Variants in MTO1 observed in about 807,000 individuals in gnomAD.
MTO1 encodes mitochondrial tRNA translation optimization 1, also known as 5-taurinomethyluridine-[tRNA] synthase subunit MTO1, mitochondrial.
MTO1 carries 46 observed loss-of-function variants against 71.6 expected under a neutral mutation model. The observed-to-expected ratio is 0.64, with a 90% CI of 0.51 to 0.82. The LOEUF (loss-of-function observed/expected upper bound fraction) is 0.82, where lower values mean the gene tolerates loss of function less well. MTO1 is among the 40% of genes least tolerant of loss of function. The pLI is 0.00. For missense variants in MTO1, 773 were observed against 867.5 expected, an observed-to-expected ratio of 0.89 and a Z score of 1.37; for synonymous variants, 297 against 312.1, an observed-to-expected ratio of 0.95 and a Z score of 0.51.
intron 3 of MTO1, among the ~76,000 whole-genome samples, chr6:73,469,142 C>A (rs1267595292): frequency 6.6e-6 from 1 of 152,054 alleles, no homozygotes; most frequent in Non-Finnish European, 1.5e-5. Flanking sequence ...GTAGCTGGGA[C>A]TATAGGTGTA....
intron 9 of MTO1, among the ~76,000 whole-genome samples, chr6:73,489,795 G>A (rs532959): frequency 0.63 from 96,412 of 151,886 alleles, 31,304 homozygotes; most frequent in South Asian, 0.72. Flanking sequence ...AATCCTTTGC[G>A]TATATACCCA....
chr6:73,461,779 G>T lies in MTO1; in HGVS notation c.-76G>T, dbSNP rs768102986. 15 of 1,489,420 alleles carry T rather than the reference G, an allele frequency of 1.0e-5. No individual in the cohort carries two copies. Among genetic ancestry groups the T allele is most frequent in the Non-Finnish European group, 1.4e-5 (15 of 1,082,284 alleles). 92.3% of individuals were successfully genotyped at this position (1,489,420 alleles called of 1,614,324 possible). ...TAAAGCAAGATGGCCGCGCCCTGCA[G>T]ATTGTCTCTTGTTGCGTAAGTTTTT... On this transcript the variant is annotated 5_prime_UTR_variant, in exon 1 of 12. Transcript: ENST00000498286.
intron 7 of MTO1, chr6:73,481,131 T>C: frequency 3.3e-6 from 1 of 306,890 alleles, no homozygotes; most frequent in Non-Finnish European, 6.3e-6. Flanking sequence ...TTTTTGCATT[T>C]TTAGTAGAGA....
rs142129590 is a variant in MTO1 at position 73,481,733 on chromosome 6, A to G, written c.1261-307A>G. On this transcript the variant is annotated intron_variant, in intron 7 of 11. Transcript: ENST00000498286. ...CAGTGAGCCAAGATTATGCCATTAC[A>G]CCCCAGCCTAGGTAACAGGGGAAGA... Among the ~76,000 whole-genome samples, 974 of 152,032 alleles carry G rather than the reference A, an allele frequency of 6.4e-3. 7 individuals are homozygous for G. Among genetic ancestry groups the G allele is most frequent in the African/African-American group, 0.021 (881 of 41,460 alleles).
At chr6:73,497,970 T>G in intron 11 of MTO1, 74 bp downstream of exon 11, 1 of 1,316,816 alleles carries the variant, frequency 7.6e-7, no homozygotes, top group Non-Finnish European at 1.0e-6. Context: ...AAACCTGGGG[T>G]TATAATGGCC....
At chr6:73,467,642 T>TAAATAAAC (rs373637860) in intron 3 of MTO1, among the ~76,000 whole-genome samples, 1 of 149,942 alleles carries the variant, frequency 6.7e-6, no homozygotes, top group Non-Finnish European at 1.5e-5. Context: ...AATAAATAAA[T>TAAATAAAC]ATAAAAGAAA....
intron 1 of MTO1, chr6:73,462,471 T>G (rs1220718014): frequency 5.5e-6 from 1 of 180,588 alleles, no homozygotes; most frequent in African/African-American, 2.4e-5. Context: ...GCTCACTTCT[T>G]TAATCCCAGC....
At chr6:73,485,751 T>G (rs1771635384) in intron 9 of MTO1, among the ~76,000 whole-genome samples, 1 of 152,038 alleles carries the variant, frequency 6.6e-6, no homozygotes, top group Non-Finnish European at 1.5e-5. Flanking sequence ...TTAGCCTTTT[T>G]TAGCGAACTC....
chr6:73,499,017 G>A (rs973575591), intron 11 of MTO1, among the ~76,000 whole-genome samples: 2 of 152,052 alleles, frequency 1.3e-5, no homozygotes, highest in Admixed American at 6.6e-5. Context: ...GTGAGCCACC[G>A]TGCCTGGCCA....
At chr6:73,466,090 G>A in intron 1 of MTO1, 119 bp from the exon 2 acceptor site, 4 of 986,010 alleles carry the variant, frequency 4.1e-6, no homozygotes, top group East Asian at 4.9e-5. Flanking sequence ...TATCTTTCAC[G>A]TTTTCTATTT....
rs1237908741 is a variant in MTO1 at position 73,502,333 on chromosome 6, ACT to A, written c.*1600_*1601del. ...GTGGAGCAAGCCTGTAGTCCCAGCTACTCAGGAGGCTGAGGCAGGAGAATCGC... is the reference window on the plus strand; with the variant it reads ...GTGGAGCAAGCCTGTAGTCCCAGCTACAGGAGGCTGAGGCAGGAGAATCGC... On this transcript the variant is annotated 3_prime_UTR_variant, in exon 12 of 12. Transcript: ENST00000498286. The A allele has an allele frequency of 6.6e-6, 1 of 152,142 alleles. No individual in the cohort carries two copies. Among genetic ancestry groups the A allele is most frequent in the Non-Finnish European group, 1.5e-5 (1 of 68,074 alleles). The allele number at this position is 152,142 out of a possible 1,614,324, so 9.4% of individuals were successfully genotyped here. A position where few individuals can be genotyped will look rare whatever the true frequency, so the allele number is the denominator to read the frequency against.
chr6:73,497,950 T>G, intron 11 of MTO1, 54 bp downstream of exon 11: 2 of 1,482,292 alleles, frequency 1.3e-6, no homozygotes, highest in Non-Finnish European at 1.8e-6. Context: ...ATACAGTGCT[T>G]TAATTTTTTA....
chr6:73,495,407 T>C (rs1771954853), intron 10 of MTO1, among the ~76,000 whole-genome samples: 1 of 152,180 alleles, frequency 6.6e-6, no homozygotes, highest in Non-Finnish European at 1.5e-5. Flanking sequence ...TTTAACTTTG[T>C]TCAATAAATC....
At chr6:73,480,855 A>G (rs903719699) in intron 7 of MTO1, 50 bp downstream of exon 7, 12 of 1,573,438 alleles carry the variant, frequency 7.6e-6, no homozygotes, top group Admixed American at 1.7e-5. Context: ...TTTAACTGGT[A>G]TTTCTCCTTT....
chr6:73,475,579 A>C (rs930741388), intron 4 of MTO1, among the ~76,000 whole-genome samples: 1 of 151,054 alleles, frequency 6.6e-6, no homozygotes, highest in Non-Finnish European at 1.5e-5. Flanking sequence ...CAACAGCACA[A>C]TCTCGGCTCA....
chr6:73,465,724 C>T (rs1338286398), intron 1 of MTO1, among the ~76,000 whole-genome samples: 1 of 152,074 alleles, frequency 6.6e-6, no homozygotes, highest in Non-Finnish European at 1.5e-5. Flanking sequence ...CGGTGGCTCA[C>T]GGCTGTAATC....
intron 4 of MTO1, among the ~76,000 whole-genome samples, chr6:73,477,237 A>T (rs1287327855): frequency 6.6e-6 from 1 of 151,172 alleles, no homozygotes; most frequent in Non-Finnish European, 1.5e-5. Flanking sequence ...CTCTACTAAA[A>T]ATACAAAAAT....
At chr6:73,477,982 G>A (rs958636158) in intron 4 of MTO1, among the ~76,000 whole-genome samples, 4 of 152,086 alleles carry the variant, frequency 2.6e-5, no homozygotes, top group Non-Finnish European at 4.4e-5. Flanking sequence ...GTGGCATGGT[G>A]GCTCACACCT....
chr6:73,494,444 G>T (rs1341074123), intron 10 of MTO1, among the ~76,000 whole-genome samples: 3 of 151,816 alleles, frequency 2.0e-5, no homozygotes, highest in Non-Finnish European at 4.4e-5. Flanking sequence ...TGATCATGCT[G>T]CATTCCTTCT....
Sources: allele counts gnomAD v4.1 joint callset (sites outside exome capture counted in the v4.1 genomes callset), GRCh38; gene constraint gnomAD v4.1.1; transcripts MANE v1.5; gene names NCBI Gene and HGNC (gene_info 2026-07-23, HGNC 2026-07-21).